Variants in ORC4 observed in about 807,000 individuals in gnomAD.
ORC4 encodes origin recognition complex, subunit 4 homolog.
A neutral mutation model predicts 63.9 loss-of-function variants in ORC4; 55 were observed. The observed-to-expected ratio is 0.86, with a 90% confidence interval of 0.69 to 1.08. The LOEUF is 1.08. Among genes scored for constraint, ORC4 ranks in the 50% least tolerant of loss-of-function variants. ORC4 has a pLI of 0.00. For missense variants in ORC4, 511 were observed against 504.4 expected (o/e 1.01, Z -0.13); for synonymous variants, 150 against 168.5 (o/e 0.89, Z 0.85).
intron 1 of ORC4, chr2:147,981,867 C>T (rs1272764299): frequency 6.6e-6 from 1 of 152,170 alleles, no homozygotes; most frequent in African/African-American, 2.4e-5. Context: ...GAAGGAAGAT[C>T]AGCCAATATA....
chr2:147,960,658 CA>C (rs1689538880), intron 4 of ORC4, among the ~76,000 whole-genome samples: 1 of 152,158 alleles, frequency 6.6e-6, no homozygotes. Context: ...CAGGTTTCAC[CA>C]ATATGCAACT....
intron 1 of ORC4, among the ~76,000 whole-genome samples, chr2:147,995,094 A>G (rs906412582): frequency 6.6e-6 from 1 of 152,048 alleles, no homozygotes; most frequent in African/African-American, 2.4e-5. Context: ...AAAACGCACC[A>G]ATCAGCGCTC....
intron 5 of ORC4, 187 bp from the exon 6 acceptor site, chr2:147,958,570 T>TAAA: frequency 4.2e-5 from 19 of 450,832 alleles, no homozygotes; most frequent in East Asian, 2.6e-4. Flanking sequence ...TTAGAATGAT[T>TAAA]AAAAAAAAAA....
intron 2 of ORC4, among the ~76,000 whole-genome samples, chr2:147,973,854 A>G (rs1164691255): frequency 6.6e-6 from 1 of 152,186 alleles, no homozygotes; most frequent in Admixed American, 6.5e-5. Flanking sequence ...GTAAGCAGCT[A>G]TATTTTGAGG....
chr2:147,998,615 C>A (rs977290235), intron 1 of ORC4, among the ~76,000 whole-genome samples: 1 of 152,184 alleles, frequency 6.6e-6, no homozygotes, highest in Admixed American at 6.5e-5. Context: ...CAGGTCTATG[C>A]TCTTGAACTT....
At chr2:148,006,976 C>A (rs1254142818) in intron 1 of ORC4, among the ~76,000 whole-genome samples, 2 of 152,194 alleles carry the variant, frequency 1.3e-5, no homozygotes, top group Non-Finnish European at 2.9e-5. Context: ...TGCCTGGTAA[C>A]CCAGGGAATT....
chr2:147,958,340 T>C lies in ORC4; in HGVS notation c.345A>G (p.Thr115=). The C allele has an allele frequency of 6.2e-7, 1 of 1,612,542 alleles. No individual in the cohort carries two copies. The highest frequency in any genetic ancestry group is 8.5e-7 in the Non-Finnish European group (1 of 1,178,946). The change falls in exon 6 of 14, where the codon ACA becomes ACG. Residue 115 remains threonine, a synonymous_variant. Coordinates refer to ENST00000392857, the MANE Select transcript of ORC4 (RefSeq NM_181741.4). ...CTACATTTTCCAGATTTAACTGCCT[T>C]GTGATTTCCTTTAGGGCGATTTTGT... ...INDKIALKEI[T]RQLNLENVVG... is the part of the protein sequence containing the mutation.
rs1687887246 is a variant in ORC4, at chr2:147,933,613, A to G, written c.*1897T>C. The G allele has an allele frequency of 6.6e-6, 1 of 152,156 alleles. No individual in the cohort carries two copies. The highest frequency in any genetic ancestry group is 1.5e-5 in the Non-Finnish European group (1 of 68,022). The allele number at this position is 152,156 out of a possible 1,614,324, so 9.4% of individuals were successfully genotyped here. On this transcript the variant is annotated 3_prime_UTR_variant, in exon 14 of 14. Coordinates refer to ENST00000392857, the MANE Select transcript of ORC4 (RefSeq NM_181741.4). ...CTGTCAGCTTTTAAGTGACATCTTA[A>G]GCTAATAAGAAATTGGAATCCTCAA...
intron 10 of ORC4, among the ~76,000 whole-genome samples, chr2:147,940,434 T>C (rs1688304505): frequency 6.6e-6 from 1 of 152,202 alleles, no homozygotes; most frequent in Middle Eastern, 3.4e-3. Context: ...AAGAAGTTAT[T>C]ATTTGAAAAA....
chr2:147,934,074 G>A lies in ORC4; in HGVS notation c.*1436C>T, dbSNP rs908666919. On this transcript the variant is annotated 3_prime_UTR_variant, in exon 14 of 14. Transcript: ENST00000392857. The stretch of plus-strand genomic sequence containing the variant: ...TAAGGAATCCACTGTTGAACTTCAG[G>A]TCTTAATAGCACTGGCTTTGGTGCT... 6.6e-6 allele frequency: 1 copy of A among 152,098 alleles called. No individual in the cohort carries two copies. The highest frequency in any genetic ancestry group is 1.5e-5 in the Non-Finnish European group (1 of 68,012). 9.4% of individuals were successfully genotyped at this position (152,098 alleles called of 1,614,324 possible). A position where few individuals can be genotyped will look rare whatever the true frequency, so the allele number is the denominator to read the frequency against.
At chr2:148,009,078 T>G (rs1475170524) in intron 1 of ORC4, among the ~76,000 whole-genome samples, 1 of 152,122 alleles carries the variant, frequency 6.6e-6, no homozygotes, top group Non-Finnish European at 1.5e-5. Context: ...TTCTTTGCAA[T>G]CAGAGTTGTC....
intron 1 of ORC4, among the ~76,000 whole-genome samples, chr2:148,012,341 T>C (rs1693020882): frequency 1.3e-5 from 2 of 152,136 alleles, no homozygotes; most frequent in South Asian, 4.1e-4. Flanking sequence ...CCAAAAACAC[T>C]CATTGGGAAA....
intron 8 of ORC4, among the ~76,000 whole-genome samples, chr2:147,950,040 C>G (rs894980090): frequency 6.6e-6 from 1 of 151,870 alleles, no homozygotes; most frequent in Admixed American, 6.6e-5. Flanking sequence ...AGACTAATAG[C>G]CTGAGGTAGG....
intron 9 of ORC4, among the ~76,000 whole-genome samples, chr2:147,944,310 AG>A (rs1688536320): frequency 6.6e-6 from 1 of 152,150 alleles, no homozygotes; most frequent in African/African-American, 2.4e-5. Context: ...TTTAAGTAGT[AG>A]GTGGGAAAAG....
chr2:147,943,330 G>A (rs1688471065), intron 10 of ORC4, 106 bp downstream of exon 10: 2 of 737,308 alleles, frequency 2.7e-6, no homozygotes, highest in African/African-American at 3.4e-5. Context: ...GTGGGAGGAT[G>A]GCTTAAGGCC....
chr2:147,941,483 T>C (rs1688359859), intron 10 of ORC4, among the ~76,000 whole-genome samples: 1 of 151,894 alleles, frequency 6.6e-6, no homozygotes, highest in South Asian at 2.1e-4. Context: ...TAACACCCAC[T>C]AGATTGGCAA....
intron 1 of ORC4, among the ~76,000 whole-genome samples, chr2:148,001,080 G>T (rs935108922): frequency 3.9e-5 from 6 of 152,124 alleles, no homozygotes; most frequent in Non-Finnish European, 8.8e-5. Flanking sequence ...CAGCTACCTT[G>T]TCCAACATCA....
intron 1 of ORC4, among the ~76,000 whole-genome samples, chr2:148,016,959 T>G (rs950855740): frequency 1.3e-5 from 2 of 152,154 alleles, no homozygotes; most frequent in African/African-American, 4.8e-5. Flanking sequence ...TTCTTCAAGA[T>G]TGAAGGCAAA....
intron 6 of ORC4, 27 bp from the exon 7 acceptor site, chr2:147,955,422 T>A (rs1382241609): frequency 3.9e-6 from 6 of 1,546,544 alleles, no homozygotes; most frequent in Non-Finnish European, 5.4e-6. Flanking sequence ...GATAAAATGA[T>A]TAAAAGTTTA....
Sources: allele counts gnomAD v4.1 joint callset (sites outside exome capture counted in the v4.1 genomes callset), GRCh38; gene constraint gnomAD v4.1.1; transcripts MANE v1.5; gene names NCBI Gene and HGNC (gene_info 2026-07-23, HGNC 2026-07-21).